HIVEP1: variants seen among roughly 807,000 people sequenced by gnomAD.
HIVEP1 encodes HIVEP zinc finger 1, also known as zinc finger protein 40.
HIVEP1 carries 36 observed loss-of-function variants against 180.0 expected under a neutral mutation model. That is an observed-to-expected ratio of 0.20 (90% CI 0.15 to 0.26). HIVEP1 has a LOEUF of 0.26. HIVEP1 is among the 10% of genes least tolerant of loss of function. The pLI is 1.00. For missense variants in HIVEP1, 3,143 were observed against 3,268.7 expected (o/e 0.96, Z 0.94); for synonymous variants, 1,239 against 1,239.0 (o/e 1.00, Z 0.00).
intron 2 of HIVEP1, among the ~76,000 whole-genome samples, chr6:12,019,381 AT>A (rs748811999): frequency 4.6e-5 from 7 of 152,202 alleles, no homozygotes; most frequent in Non-Finnish European, 1.0e-4. Context: ...AGCTCCTGAG[AT>A]TAATTTTTGA....
At chr6:12,159,476 C>G (rs1304572666) in intron 7 of HIVEP1, among the ~76,000 whole-genome samples, 1 of 152,054 alleles carries the variant, frequency 6.6e-6, no homozygotes, top group East Asian at 1.9e-4. Context: ...CAATGCCAAA[C>G]AATCCTGATG....
the HIVEP1 span, among the ~76,000 whole-genome samples, chr6:12,182,583 GGAGA>G: frequency 6.6e-6 from 1 of 152,128 alleles, no homozygotes; most frequent in African/African-American, 2.4e-5. Context: ...CTGTTTCTTT[GGAGA>G]GGAAAGATGA....
At chr6:12,020,368 C>A (rs966895815) in intron 2 of HIVEP1, 1 of 470,964 alleles carries the variant, frequency 2.1e-6, no homozygotes, top group Non-Finnish European at 4.4e-6. Flanking sequence ...TCCTGGGTTC[C>A]GTGGAGAAGG....
intron 3 of HIVEP1, among the ~76,000 whole-genome samples, chr6:12,105,920 G>A (rs748538873): frequency 6.6e-6 from 1 of 151,882 alleles, no homozygotes; most frequent in South Asian, 2.1e-4. Flanking sequence ...ATCATCCAGT[G>A]TATGAGACTT....
chr6:12,140,992 A>G (rs1238332723), intron 7 of HIVEP1, among the ~76,000 whole-genome samples: 1 of 152,204 alleles, frequency 6.6e-6, no homozygotes, highest in Non-Finnish European at 1.5e-5. Context: ...AGGCAGGCCA[A>G]TATTCAAATT....
chr6:12,161,696 C>T lies in HIVEP1; in HGVS notation c.6745C>T (p.Leu2249=), dbSNP rs1031618840. Residue 2249 remains leucine (L), a synonymous_variant, in exon 8 of 9, where the codon CTG becomes TTG. Transcript: ENST00000379388. ...SGVHTDPMDV[L]PRALLTRMTV... is the part of the protein sequence containing the mutation. Reference sequence around the variant, plus strand: ...GGTACACACGGACCCAATGGACGTTCTGCCCAGGGCGCTGCTCACCAGAAT... The same window carrying T: ...GGTACACACGGACCCAATGGACGTTTTGCCCAGGGCGCTGCTCACCAGAAT... 1 of 1,614,170 alleles carries T rather than the reference C, an allele frequency of 6.2e-7. No individual in the cohort carries two copies. Among genetic ancestry groups the T allele is most frequent in the Admixed American group, 1.7e-5 (1 of 60,026 alleles).
chr6:12,026,627 A>G (rs557530696), intron 2 of HIVEP1, among the ~76,000 whole-genome samples: 1 of 152,328 alleles, frequency 6.6e-6, no homozygotes, highest in Admixed American at 6.5e-5. Context: ...TTATACTGCC[A>G]GGTGGGTCAT....
chr6:12,206,337 G>A, the HIVEP1 span, among the ~76,000 whole-genome samples: 2 of 152,086 alleles, frequency 1.3e-5, no homozygotes, highest in Non-Finnish European at 2.9e-5. Flanking sequence ...GTTTCACCAT[G>A]TTGGCCAGGC....
intron 2 of HIVEP1, among the ~76,000 whole-genome samples, chr6:12,024,019 T>G (rs893601441): frequency 1.3e-5 from 2 of 152,246 alleles, no homozygotes; most frequent in East Asian, 3.8e-4. Flanking sequence ...TACTTTTTCA[T>G]GTACATATTT....
At chr6:12,104,362 T>TTCTC (rs558381690) in intron 3 of HIVEP1, among the ~76,000 whole-genome samples, 2 of 150,038 alleles carry the variant, frequency 1.3e-5, no homozygotes, top group South Asian at 4.2e-4. Flanking sequence ...ATCTGACTTA[T>TTCTC]TCTCTCTCTC....
At chr6:12,072,725 A>G (rs1772064796) in intron 2 of HIVEP1, among the ~76,000 whole-genome samples, 2 of 152,180 alleles carry the variant, frequency 1.3e-5, no homozygotes, top group South Asian at 4.1e-4. Context: ...TCCTAACGGC[A>G]GTGCCCTGTC....
chr6:12,046,361 A>G (rs1770113207), intron 2 of HIVEP1, among the ~76,000 whole-genome samples: 1 of 152,160 alleles, frequency 6.6e-6, no homozygotes, highest in Non-Finnish European at 1.5e-5. Context: ...CCCTGCAAAA[A>G]AAGTCTTGTG....
At chr6:12,103,651 A>G (rs1042358091) in intron 3 of HIVEP1, among the ~76,000 whole-genome samples, 1 of 151,974 alleles carries the variant, frequency 6.6e-6, no homozygotes, top group Non-Finnish European at 1.5e-5. Flanking sequence ...ACGTTACTTG[A>G]AAGTTTTGAG....
upstream of HIVEP1, among the ~76,000 whole-genome samples, chr6:12,011,022 C>T (rs1272825819): frequency 1.3e-5 from 2 of 152,128 alleles, no homozygotes; most frequent in African/African-American, 4.8e-5. Flanking sequence ...GCAGCTTCGG[C>T]ACTGGGAAGC....
intron 2 of HIVEP1, among the ~76,000 whole-genome samples, chr6:12,055,470 CA>C (rs201334495): frequency 4.8e-5 from 7 of 146,722 alleles, no homozygotes; most frequent in South Asian, 2.2e-4. Context: ...GACTCCGTCT[CA>C]AAAAAAAAAT....
intron 2 of HIVEP1, among the ~76,000 whole-genome samples, chr6:12,030,212 T>C (rs1455916390): frequency 6.6e-6 from 1 of 152,178 alleles, no homozygotes; most frequent in African/African-American, 2.4e-5. Context: ...TCATGGTTCT[T>C]TCCATTTGTT....
At chr6:12,051,692 G>T (rs989868244) in intron 2 of HIVEP1, among the ~76,000 whole-genome samples, 4 of 147,334 alleles carry the variant, frequency 2.7e-5, no homozygotes, top group Non-Finnish European at 4.5e-5. Flanking sequence ...GGAGGTGGTG[G>T]GGAGGGTGGT....
upstream of HIVEP1, among the ~76,000 whole-genome samples, chr6:12,009,087 C>A (rs1317452082): frequency 6.7e-6 from 1 of 149,400 alleles, no homozygotes; most frequent in African/African-American, 2.4e-5. Context: ...CGGCGGCCGG[C>A]GGGGAGGAAC....
At chr6:12,136,528 C>T (rs1190823560) in intron 7 of HIVEP1, among the ~76,000 whole-genome samples, 1 of 152,174 alleles carries the variant, frequency 6.6e-6, no homozygotes, top group East Asian at 1.9e-4. Context: ...ATTTAATCCC[C>T]CTCTTGTTCT....
Sources: gnomAD v4.1 joint callset for allele counts (sites outside exome capture counted in the v4.1 genomes callset) on GRCh38, gnomAD v4.1.1 for gene constraint, MANE v1.5 for transcripts, NCBI Gene and HGNC (gene_info 2026-07-23, HGNC 2026-07-21) for gene names.